The following ANKRD31 variants were observed in gnomAD, a reference collection of about 807,000 sequenced individuals.
ANKRD31 encodes the protein ankyrin repeat domain-containing protein 31.
In ANKRD31, 147 loss-of-function variants were observed where a neutral mutation model predicts 186.0. The ratio of observed to expected loss-of-function variants is 0.79; its 90% CI spans 0.69 to 0.91. The LOEUF is 0.91. Among genes scored for constraint, ANKRD31 ranks in the 40% least tolerant of loss-of-function variants. ANKRD31 has a pLI of 0.00. For missense variants in ANKRD31, 1,986 were observed against 2,148.8 expected (o/e 0.92, Z 1.50); for synonymous variants, 673 against 736.4 (o/e 0.91, Z 1.39).
intron 25 of ANKRD31, among the ~76,000 whole-genome samples, chr5:75,077,015 T>A (rs1744701476): frequency 6.6e-6 from 1 of 152,214 alleles, no homozygotes; most frequent in African/African-American, 2.4e-5. Context: ...AATGCCTTTT[T>A]TAAAAATAAA....
intron 22 of ANKRD31, among the ~76,000 whole-genome samples, chr5:75,094,502 T>C (rs976297956): frequency 2.6e-5 from 4 of 152,106 alleles, no homozygotes; most frequent in East Asian, 1.9e-4. Context: ...TGTTGAGTCC[T>C]AGAGCAGCTA....
chr5:75,167,539 A>G (rs960657896), intron 11 of ANKRD31, among the ~76,000 whole-genome samples: 2 of 152,214 alleles, frequency 1.3e-5, no homozygotes, highest in Admixed American at 6.5e-5. Flanking sequence ...ACCACTAGTC[A>G]GGATATGCCA....
At chr5:75,118,462 T>C (rs1007352353) in intron 17 of ANKRD31, among the ~76,000 whole-genome samples, 165 bp from the exon 18 acceptor site, 3 of 152,160 alleles carry the variant, frequency 2.0e-5, no homozygotes, top group African/African-American at 7.2e-5. Context: ...TGCAAACTAA[T>C]CCAATTTGGA....
chr5:75,177,995 C>T (rs1004624052), intron 10 of ANKRD31, among the ~76,000 whole-genome samples: 5 of 152,062 alleles, frequency 3.3e-5, no homozygotes, highest in African/African-American at 4.8e-5. Flanking sequence ...ATCCATCTCA[C>T]GTGCAGAGAC....
intron 25 of ANKRD31, among the ~76,000 whole-genome samples, chr5:75,074,790 A>G (rs565673201): frequency 2.6e-5 from 4 of 152,286 alleles, no homozygotes; most frequent in Admixed American, 2.6e-4. Context: ...TTCTGTTTGA[A>G]TTTTTAATAA....
In ANKRD31 at chr5:75,148,576, C is replaced by G; in HGVS notation, c.1905G>C (p.Lys635Asn). Residue 635 changes from lysine (K) to asparagine (N), a missense_variant and splice_region_variant, in exon 13 of 26, where the codon AAG (lysine) becomes AAC (asparagine). Physicochemically the swap from Lys to Asn is moderately conservative, Grantham distance 94 (BLOSUM62 0). Coordinates refer to ENST00000506364, the MANE Select transcript of ANKRD31 (RefSeq NM_001372053.1). The stretch of plus-strand genomic sequence containing the variant: ...TGTTTATTACTAAACATAGATATAC[C>G]TTGTGTTGGTACACATCCTCTATGT... ...PLDIEDVYQHKKPKFSSKSHI... is the reference protein window; with the variant it reads ...PLDIEDVYQHNKPKFSSKSHI... 1.3e-6 allele frequency: 2 copies of G among 1,515,012 alleles called. No individual in the cohort carries two copies. The highest frequency in any genetic ancestry group is 1.8e-6 in the Non-Finnish European group (2 of 1,133,268). 93.8% of individuals were successfully genotyped at this position (1,515,012 alleles called of 1,614,324 possible). A position where few individuals can be genotyped will look rare whatever the true frequency, so the allele number is the denominator to read the frequency against.
At chr5:75,128,510 T>A (rs1749444474) in intron 17 of ANKRD31, among the ~76,000 whole-genome samples, 1 of 78,174 alleles carries the variant, frequency 1.3e-5, no homozygotes, top group Non-Finnish European at 2.2e-5. Context: ...ATTTTATTTA[T>A]TTATTTATTT....
chr5:75,111,279 A>C (rs1747761217), intron 20 of ANKRD31, among the ~76,000 whole-genome samples: 1 of 152,072 alleles, frequency 6.6e-6, no homozygotes, highest in African/African-American at 2.4e-5. Flanking sequence ...TAATTTTAGC[A>C]TTTTTCTCTT....
chr5:75,075,425 A>G (rs1744555386), intron 25 of ANKRD31, among the ~76,000 whole-genome samples: 1 of 152,144 alleles, frequency 6.6e-6, no homozygotes, highest in East Asian at 1.9e-4. Flanking sequence ...GCACTTTTTG[A>G]TACTTTAATA....
In ANKRD31 at chr5:75,084,283, G is replaced by C; in HGVS notation, c.5564C>G (p.Pro1855Arg). Reference sequence around the variant, plus strand: ...TGTTCTGTACATACCTGGAAGACAAGGTTGATATTGCTGAGGTACTGAGTT... The same window carrying C: ...TGTTCTGTACATACCTGGAAGACAACGTTGATATTGCTGAGGTACTGAGTT... The part of the protein sequence containing the change: ...EPNSVPQQYQ[P>R]CLPEVACLDD... The change falls in exon 24 of 26, where the codon CCT becomes CGT. Residue 1855 changes from proline to arginine, a missense_variant. By Grantham distance (103) the Pro-to-Arg change is moderately radical. Transcript: ENST00000506364. The C allele has an allele frequency of 6.5e-7, 1 of 1,536,064 alleles. No homozygotes were observed.
chr5:75,142,716 G>C (rs529482540), intron 15 of ANKRD31, among the ~76,000 whole-genome samples: 1 of 152,240 alleles, frequency 6.6e-6, no homozygotes, highest in African/African-American at 2.4e-5. Context: ...GAATGTGGCA[G>C]AACTTGGGCA....
At chr5:75,124,100 A>G (rs987904757) in intron 17 of ANKRD31, among the ~76,000 whole-genome samples, 1 of 152,076 alleles carries the variant, frequency 6.6e-6, no homozygotes, top group African/African-American at 2.4e-5. Flanking sequence ...AAAACAACAA[A>G]TAGCCCCATT....
chr5:75,144,937 A>G (rs1751326581), intron 14 of ANKRD31, among the ~76,000 whole-genome samples: 1 of 152,050 alleles, frequency 6.6e-6, no homozygotes, highest in Admixed American at 6.6e-5. Context: ...AATGATATGA[A>G]CAGACACTTC....
chr5:75,201,965 T>C (rs1247018703), intron 5 of ANKRD31, among the ~76,000 whole-genome samples: 3 of 152,206 alleles, frequency 2.0e-5, no homozygotes, highest in African/African-American at 7.2e-5. Flanking sequence ...TTTCAACCAA[T>C]TGCCAATCAG....
At chr5:75,109,520 T>C (rs1747597461) in intron 20 of ANKRD31, among the ~76,000 whole-genome samples, 1 of 152,176 alleles carries the variant, frequency 6.6e-6, no homozygotes, top group Admixed American at 6.5e-5. Context: ...GGTCTTCTCT[T>C]CTTTACCTCA....
chr5:75,140,281 GAA>G (rs374583267), intron 15 of ANKRD31, among the ~76,000 whole-genome samples: 4 of 59,850 alleles, frequency 6.7e-5, no homozygotes, highest in Middle Eastern at 8.9e-3. Flanking sequence ...GAGAGAGAGA[GAA>G]AGAAAGGAAG....
chr5:75,173,927 C>T (rs1012501330), intron 10 of ANKRD31, among the ~76,000 whole-genome samples: 1 of 152,042 alleles, frequency 6.6e-6, no homozygotes, highest in Non-Finnish European at 1.5e-5. Context: ...CCAAGACAAT[C>T]CTAAGCAAAA....
At position 75,230,604 on chromosome 5, in the gene ANKRD31, A is replaced by T; in HGVS notation, c.136T>A (p.Ser46Thr). The T allele has an allele frequency of 6.5e-7, 1 of 1,537,018 alleles. No individual in the cohort carries two copies. Among genetic ancestry groups the T allele is most frequent in the Non-Finnish European group, 8.7e-7 (1 of 1,146,774 alleles). The change falls in exon 2 of 26, where the codon TCT becomes ACT. Residue 46 changes from serine (S) to threonine (T), a missense_variant. Ser to Thr is a moderately conservative substitution (Grantham distance 58, BLOSUM62 1). Coordinates refer to ENST00000506364, the MANE Select transcript of ANKRD31 (RefSeq NM_001372053.1). ...LLFDQDASLK[S>T]EFSLHPDTRG... ...GTATCAGGATGCAGACTGAACTCAGATTTAAGAGATGCGTCTTGATCAAAC... is the reference window on the plus strand; with the variant it reads ...GTATCAGGATGCAGACTGAACTCAGTTTTAAGAGATGCGTCTTGATCAAAC...
rs573389450 is a variant in ANKRD31, at chr5:75,145,077, G to A, written c.3425-906C>T. The stretch of plus-strand genomic sequence containing the variant: ...CAGTTAGAATGGCGATCATTAAAAA[G>A]TCATGAAACAACAGATGCTAGAGAG... On this transcript the variant is annotated intron_variant, in intron 14 of 25. Coordinates refer to ENST00000506364, the MANE Select transcript of ANKRD31 (RefSeq NM_001372053.1). 6.6e-5 allele frequency among the ~76,000 whole-genome samples: 10 copies of A among 152,242 alleles called. No homozygotes were observed. The East Asian group carries it at 1.9e-3, about 29-fold the overall frequency.
Sources: gnomAD v4.1 joint callset for allele counts (sites outside exome capture counted in the v4.1 genomes callset) on GRCh38, gnomAD v4.1.1 for gene constraint, MANE v1.5 for transcripts, NCBI Gene and HGNC (gene_info 2026-07-23, HGNC 2026-07-21) for gene names.